PTPRD: variants seen among roughly 807,000 people sequenced by gnomAD.
The protein encoded by PTPRD is protein tyrosine phosphatase receptor type D.
Under a neutral mutation model 214.5 loss-of-function variants are expected in PTPRD, and 34 were observed. That is an observed-to-expected ratio of 0.16 (90% CI 0.12 to 0.21). The LOEUF (loss-of-function observed/expected upper bound fraction) is 0.21. Among genes scored for constraint, PTPRD ranks in the 10% least tolerant of loss-of-function variants. The pLI is 1.00. For synonymous variants in PTPRD, 1,128 were observed against 845.7 expected, an observed-to-expected ratio of 1.33 and a Z score of -5.79; for missense variants, 2,545 against 2,398.7, an observed-to-expected ratio of 1.06 and a Z score of -1.27.
At chr9:9,441,983 T>C (rs1448076353) in intron 8 of PTPRD, 1 of 152,268 alleles carries the variant, frequency 6.6e-6, no homozygotes, top group Non-Finnish European at 1.5e-5. Context: ...AAGATATATC[T>C]TATTCAAAAT....
At chr9:9,551,071 C>T (rs1367260247) in intron 8 of PTPRD, among the ~76,000 whole-genome samples, 1 of 151,600 alleles carries the variant, frequency 6.6e-6, no homozygotes, top group East Asian at 1.9e-4. Flanking sequence ...ACTACATGAC[C>T]CCATAGTTAC....
chr9:10,398,126 C>A (rs1214676611), intron 2 of PTPRD, among the ~76,000 whole-genome samples: 2 of 151,478 alleles, frequency 1.3e-5, no homozygotes, highest in East Asian at 3.9e-4. Flanking sequence ...CACCTGTCAT[C>A]CCAACACTTG....
intron 11 of PTPRD, among the ~76,000 whole-genome samples, chr9:8,908,429 A>G (rs2098723328): frequency 6.6e-6 from 1 of 152,170 alleles, no homozygotes; most frequent in African/African-American, 2.4e-5. Flanking sequence ...TAAGAAATCA[A>G]CAACAGAAAA....
intron 2 of PTPRD, among the ~76,000 whole-genome samples, chr9:10,465,077 G>A (rs1227540898): frequency 6.6e-6 from 1 of 152,068 alleles, no homozygotes; most frequent in African/African-American, 2.4e-5. Context: ...GGTGAATAGT[G>A]TTATTTATAG....
At chr9:9,020,954 G>GT (rs773422566) in intron 10 of PTPRD, among the ~76,000 whole-genome samples, 6 of 152,202 alleles carry the variant, frequency 3.9e-5, no homozygotes, top group South Asian at 2.1e-4. Flanking sequence ...TATTTCTTAT[G>GT]TTTTTTTAGA....
At chr9:10,110,783 TAGAA>T (rs1263998061) in intron 3 of PTPRD, among the ~76,000 whole-genome samples, 2 of 152,198 alleles carry the variant, frequency 1.3e-5, no homozygotes, top group Non-Finnish European at 2.9e-5. Context: ...AAAAAACAGT[TAGAA>T]AGGATATGAC....
intron 3 of PTPRD, among the ~76,000 whole-genome samples, chr9:10,120,579 T>G (rs753815246): frequency 1.3e-5 from 2 of 152,078 alleles, no homozygotes; most frequent in Non-Finnish European, 2.9e-5. Flanking sequence ...TTGTTTATGA[T>G]GTTCTTAGAC....
chr9:9,617,576 G>C (rs1352830121), intron 7 of PTPRD, among the ~76,000 whole-genome samples: 2 of 151,986 alleles, frequency 1.3e-5, no homozygotes, highest in Non-Finnish European at 2.9e-5. Context: ...GAGAGTTCTA[G>C]GTAAACTGAG....
At chr9:8,570,312 A>C (rs2154231843) in intron 14 of PTPRD, among the ~76,000 whole-genome samples, 1 of 152,324 alleles carries the variant, frequency 6.6e-6, no homozygotes, top group East Asian at 1.9e-4. Context: ...AATCCTAACA[A>C]GATGTGCTCA....
chr9:8,792,711 C>G (rs1387908862), intron 11 of PTPRD, among the ~76,000 whole-genome samples: 1 of 152,076 alleles, frequency 6.6e-6, no homozygotes. Flanking sequence ...TTAAATTTAA[C>G]TATTGATAGA....
At chr9:10,425,702 G>T (rs978210143) in intron 2 of PTPRD, among the ~76,000 whole-genome samples, 1 of 151,824 alleles carries the variant, frequency 6.6e-6, no homozygotes, top group Non-Finnish European at 1.5e-5. Context: ...TCTCATTACA[G>T]AACTTTAAAA....
chr9:8,502,642 A>C (rs2097435625), intron 23 of PTPRD, among the ~76,000 whole-genome samples: 1 of 152,048 alleles, frequency 6.6e-6, no homozygotes, highest in African/African-American at 2.4e-5. Context: ...CATTATTCAT[A>C]ATAAATTGAG....
intron 2 of PTPRD, among the ~76,000 whole-genome samples, chr9:10,364,717 G>T (rs773079540): frequency 6.6e-6 from 1 of 152,072 alleles, no homozygotes; most frequent in African/African-American, 2.4e-5. Context: ...CAGGGAAGTG[G>T]GGCATGGTCT....
rs1212949919 is a variant in PTPRD at position 10,385,173 on chromosome 9, C to T, written c.-599-44156G>A. Among the ~76,000 whole-genome samples, 3 of 151,870 alleles carry T rather than the reference C, an allele frequency of 2.0e-5. No individual in the cohort carries two copies. In the South Asian group the frequency reaches 6.2e-4, roughly 32 times the overall value. Reference sequence around the variant, plus strand: ...TTTTTTTCCAAAAAGTTTATTACTCCAGCCAAAAGTAAGTTTATTCCCTTT... The same window carrying T: ...TTTTTTTCCAAAAAGTTTATTACTCTAGCCAAAAGTAAGTTTATTCCCTTT... On this transcript the variant is annotated intron_variant, in intron 2 of 45. Coordinates refer to ENST00000381196, the MANE Select transcript of PTPRD (RefSeq NM_002839.4).
At chr9:9,705,532 G>A (rs936147385) in intron 7 of PTPRD, among the ~76,000 whole-genome samples, 4 of 151,936 alleles carry the variant, frequency 2.6e-5, no homozygotes, top group East Asian at 1.9e-4. Context: ...AATAGAAACT[G>A]TACTCTCAAG....
chr9:10,504,115 C>CAACAAAAAAAAAA (rs1555439817), intron 2 of PTPRD, among the ~76,000 whole-genome samples: 1 of 26,970 alleles, frequency 3.7e-5, no homozygotes, highest in African/African-American at 1.8e-4. Flanking sequence ...GACTCTGTCT[C>CAACAAAAAAAAAA]AAAAAAAAAA....
chr9:8,949,730 GTCTA>G (rs573572424), intron 11 of PTPRD, among the ~76,000 whole-genome samples: 8 of 152,134 alleles, frequency 5.3e-5, no homozygotes, highest in South Asian at 2.1e-4. Flanking sequence ...AAAATATTTT[GTCTA>G]TCTAAGTATT....
intron 7 of PTPRD, among the ~76,000 whole-genome samples, chr9:9,641,853 G>A (rs549642157): frequency 5.3e-4 from 81 of 152,154 alleles, no homozygotes; most frequent in African/African-American, 1.9e-3. Context: ...CTAGCACCTG[G>A]ACCCATTTAG....
intron 3 of PTPRD, among the ~76,000 whole-genome samples, chr9:10,161,151 A>C (rs917584193): frequency 5.9e-5 from 9 of 151,914 alleles, no homozygotes; most frequent in African/African-American, 2.2e-4. Flanking sequence ...AAAGCAGTTT[A>C]CAAATTTAAT....
Sources: gnomAD v4.1 joint callset for allele counts (sites outside exome capture counted in the v4.1 genomes callset) on GRCh38, gnomAD v4.1.1 for gene constraint, MANE v1.5 for transcripts, NCBI Gene and HGNC (gene_info 2026-07-23, HGNC 2026-07-21) for gene names.